The following GPC5 variants were observed in gnomAD, a reference collection of about 807,000 sequenced individuals.
GPC5 encodes the protein glypican 5.
A neutral mutation model predicts 53.9 loss-of-function variants in GPC5; 47 were observed. The ratio of observed to expected loss-of-function variants is 0.87; its 90% CI spans 0.69 to 1.11. The LOEUF (loss-of-function observed/expected upper bound fraction) is 1.11. Ranked by LOEUF, GPC5 falls within the 50% of genes most tolerant of loss-of-function variation. GPC5 has a pLI of 0.00. For synonymous variants in GPC5, 286 were observed against 263.3 expected (o/e 1.09, Z -0.84); for missense variants, 748 against 713.1 (o/e 1.05, Z -0.56).
chr13:92,035,418 A>C (rs1303590804), intron 6 of GPC5, among the ~76,000 whole-genome samples: 1 of 152,038 alleles, frequency 6.6e-6, no homozygotes, highest in Admixed American at 6.6e-5. Flanking sequence ...GCTTTTACAC[A>C]CAGGGTGCTC....
At chr13:92,028,800 A>G (rs1169282534) in intron 6 of GPC5, among the ~76,000 whole-genome samples, 1 of 152,190 alleles carries the variant, frequency 6.6e-6, no homozygotes, top group Admixed American at 6.5e-5. Flanking sequence ...CCAAATTATT[A>G]TAATAAAAAA....
At chr13:92,326,508 A>G (rs2043252275) in intron 7 of GPC5, among the ~76,000 whole-genome samples, 1 of 151,996 alleles carries the variant, frequency 6.6e-6, no homozygotes, top group Non-Finnish European at 1.5e-5. Flanking sequence ...TAGTCTTTGT[A>G]TTATGTTTAC....
chr13:92,157,752 G>A (rs1023465412), intron 7 of GPC5, among the ~76,000 whole-genome samples: 1 of 152,040 alleles, frequency 6.6e-6, no homozygotes, highest in African/African-American at 2.4e-5. Flanking sequence ...TTCCTCTTTT[G>A]TGAATTTATT....
chr13:92,560,355 A>G (rs1594305037), intron 7 of GPC5, among the ~76,000 whole-genome samples: 1 of 152,170 alleles, frequency 6.6e-6, no homozygotes, highest in East Asian at 1.9e-4. Flanking sequence ...GGTCTGCGAC[A>G]TGATTTCTGC....
intron 6 of GPC5, among the ~76,000 whole-genome samples, chr13:91,994,291 C>G (rs533092231): frequency 6.6e-6 from 1 of 152,328 alleles, no homozygotes; most frequent in African/African-American, 2.4e-5. Flanking sequence ...TTACCCCCTT[C>G]ATTTTGTTTA....
chr13:92,065,581 T>A lies in GPC5; in HGVS notation c.1402-79249T>A, dbSNP rs138542731. Among the ~76,000 whole-genome samples the A allele has an allele frequency of 2.1e-3, 323 of 152,304 alleles. 2 individuals carry two copies. Among genetic ancestry groups the A allele is most frequent in the African/African-American group, 7.3e-3 (305 of 41,582 alleles). ...TTAGCTAAAACTTCATATGTTCTTA[T>A]CATTCTGTGTCTCCTAGTTTTAGAT... On this transcript the variant is annotated intron_variant, in intron 6 of 7. Transcript: ENST00000377067.
intron 7 of GPC5, among the ~76,000 whole-genome samples, chr13:92,596,620 CA>C (rs1883891474): frequency 1.3e-5 from 2 of 152,148 alleles, no homozygotes; most frequent in East Asian, 3.9e-4. Context: ...ACAACATGCG[CA>C]CGCCACCACC....
chr13:91,409,678 C>T (rs560184830), intron 1 of GPC5, among the ~76,000 whole-genome samples: 19 of 151,762 alleles, frequency 1.3e-4, no homozygotes, highest in Middle Eastern at 3.4e-3. Flanking sequence ...TGTCAAGGGA[C>T]GAGGAAGATG....
intron 2 of GPC5, among the ~76,000 whole-genome samples, chr13:91,553,673 T>C (rs894446579): frequency 3.9e-5 from 6 of 152,078 alleles, no homozygotes; most frequent in African/African-American, 1.4e-4. Context: ...AGTTCCAAAG[T>C]GAAATAAATA....
chr13:92,190,716 A>G (rs1235607270), intron 7 of GPC5, among the ~76,000 whole-genome samples: 1 of 152,172 alleles, frequency 6.6e-6, no homozygotes, highest in African/African-American at 2.4e-5. Flanking sequence ...CTAAAAAATG[A>G]AAAAGTATAA....
At chr13:92,289,259 A>G (rs1455363230) in intron 7 of GPC5, among the ~76,000 whole-genome samples, 4 of 152,098 alleles carry the variant, frequency 2.6e-5, no homozygotes, top group Non-Finnish European at 5.9e-5. Context: ...GTATTTATCC[A>G]TCTGCCTCTA....
In GPC5 at chr13:92,539,454, G is replaced by A. The variant is rs553703927; in HGVS notation, c.1562-326828G>A. ...AGCATTTTTTCATATGTTTGTTGCCGCATAAATGTCTTCTTTTGAAAAGTG... is the reference window on the plus strand; with the variant it reads ...AGCATTTTTTCATATGTTTGTTGCCACATAAATGTCTTCTTTTGAAAAGTG... On this transcript the variant is annotated intron_variant, in intron 7 of 7. Transcript: ENST00000377067. 4.6e-5 allele frequency among the ~76,000 whole-genome samples: 7 copies of A among 152,002 alleles called. No homozygotes were observed. In the South Asian group the frequency reaches 6.2e-4, roughly 14 times the overall value.
intron 7 of GPC5, among the ~76,000 whole-genome samples, chr13:92,304,056 C>T (rs2043093658): frequency 6.6e-6 from 1 of 152,058 alleles, no homozygotes; most frequent in Non-Finnish European, 1.5e-5. Flanking sequence ...ATAGTGGATA[C>T]ACATCAATTA....
intron 2 of GPC5, among the ~76,000 whole-genome samples, chr13:91,478,850 A>T (rs1293930620): frequency 8.5e-6 from 1 of 118,170 alleles, no homozygotes; most frequent in Non-Finnish European, 1.7e-5. Context: ...TATACACATT[A>T]TATATATATA....
chr13:91,842,838 G>A (rs75662839), intron 5 of GPC5, among the ~76,000 whole-genome samples: 4,137 of 151,578 alleles, frequency 0.027, 192 homozygotes, highest in African/African-American at 0.094. Context: ...AAAATGAGAC[G>A]TGCTCTTTAA....
At chr13:91,735,596 T>C (rs2036797293) in intron 4 of GPC5, among the ~76,000 whole-genome samples, 1 of 151,404 alleles carries the variant, frequency 6.6e-6, no homozygotes, top group South Asian at 2.1e-4. Context: ...TGGATTTCAA[T>C]TGGAGTTATA....
chr13:91,834,565 A>T (rs969004754), intron 5 of GPC5, among the ~76,000 whole-genome samples: 1 of 152,202 alleles, frequency 6.6e-6, no homozygotes, highest in Non-Finnish European at 1.5e-5. Context: ...CCAATGGAAC[A>T]GAACAGAGTC....
At chr13:92,007,823 A>G (rs114617099) in intron 6 of GPC5, among the ~76,000 whole-genome samples, 1 of 152,128 alleles carries the variant, frequency 6.6e-6, no homozygotes, top group African/African-American at 2.4e-5. Context: ...ACGACTTTTA[A>G]AATATGGTCG....
At chr13:92,499,537 G>A (rs1457838719) in intron 7 of GPC5, among the ~76,000 whole-genome samples, 1 of 152,122 alleles carries the variant, frequency 6.6e-6, no homozygotes, top group African/African-American at 2.4e-5. Context: ...TGAAGAGATT[G>A]AGAGACATGA....
Sources: gnomAD v4.1 joint callset for allele counts (sites outside exome capture counted in the v4.1 genomes callset) on GRCh38, gnomAD v4.1.1 for gene constraint, MANE v1.5 for transcripts, NCBI Gene and HGNC (gene_info 2026-07-23, HGNC 2026-07-21) for gene names.